The following MCTP2 variants were observed in gnomAD, a reference collection of about 807,000 sequenced individuals.
MCTP2 encodes the protein multiple C2 and transmembrane domain-containing protein 2.
In MCTP2, 132 loss-of-function variants were observed where a neutral mutation model predicts 111.6. That is an observed-to-expected ratio of 1.18 (90% CI 1.03 to 1.37). The LOEUF (loss-of-function observed/expected upper bound fraction) is 1.37. Ranked by LOEUF, MCTP2 falls within the 40% of genes most tolerant of loss-of-function variation. The probability of loss-of-function intolerance (pLI) is 0.00; values close to 1 mark genes in which losing one functional copy is unlikely to be tolerated. For missense variants in MCTP2, 1,183 were observed against 1,067.9 expected (o/e 1.11, Z -1.50); for synonymous variants, 395 against 387.7 (o/e 1.02, Z -0.22).
In MCTP2 at chr15:94,388,894, T is replaced by C. The variant is rs185728363; in HGVS notation, c.1788+3369T>C. On this transcript the variant is annotated intron_variant, in intron 14 of 22. Coordinates refer to ENST00000357742, the MANE Select transcript of MCTP2 (RefSeq NM_001385001.1). ...GAGTTTGTTATATTGCCACAGTGAG[T>C]AATTATTAAGTATATATCATCTCCA... Among the ~76,000 whole-genome samples, 979 of 152,232 alleles carry C rather than the reference T, an allele frequency of 6.4e-3. 5 individuals are homozygous for C. The highest frequency in any genetic ancestry group is 0.01 in the Non-Finnish European group (707 of 68,022).
chr15:94,273,873 G>A (rs2074045260), intron 1 of MCTP2: 1 of 231,438 alleles, frequency 4.3e-6, no homozygotes. Context: ...CTTCACTTGA[G>A]CAAGGTGGCT....
chr15:94,390,544 C>T (rs1371523891), intron 14 of MCTP2, among the ~76,000 whole-genome samples: 1 of 151,990 alleles, frequency 6.6e-6, no homozygotes, highest in Non-Finnish European at 1.5e-5. Context: ...CCAGGCCATT[C>T]CTTTTTATTG....
In MCTP2 at chr15:94,349,984, C is replaced by T. The variant is rs547766563; in HGVS notation, c.1005+4820C>T. Among the ~76,000 whole-genome samples the T allele has an allele frequency of 7.8e-4, 119 of 152,228 alleles. 1 individual carries two copies. The Middle Eastern group carries it at 0.014, about 17-fold the overall frequency. Reference sequence around the variant, plus strand: ...TTTTCGGTGTGTCCCCTGGACCAGCCGCAGCTGGTAATGGTTAGAAATCCA... The same window carrying T: ...TTTTCGGTGTGTCCCCTGGACCAGCTGCAGCTGGTAATGGTTAGAAATCCA... On this transcript the variant is annotated intron_variant, in intron 8 of 22. Coordinates refer to ENST00000357742, the MANE Select transcript of MCTP2 (RefSeq NM_001385001.1).
intron 17 of MCTP2, among the ~76,000 whole-genome samples, chr15:94,427,882 CT>C (rs1324007215): frequency 2.0e-5 from 3 of 152,022 alleles, no homozygotes; most frequent in Non-Finnish European, 2.9e-5. Context: ...TGAGAAAAAT[CT>C]TCTCCTTCAT....
intron 4 of MCTP2, among the ~76,000 whole-genome samples, chr15:94,331,265 A>C (rs1331564804): frequency 6.6e-6 from 1 of 152,254 alleles, no homozygotes; most frequent in Non-Finnish European, 1.5e-5. Context: ...TGGGTTATAA[A>C]GACAAAGCCA....
intron 19 of MCTP2, among the ~76,000 whole-genome samples, chr15:94,445,697 C>G (rs2084076867): frequency 1.3e-5 from 2 of 152,204 alleles, no homozygotes; most frequent in Non-Finnish European, 2.9e-5. Flanking sequence ...GGTCTACTCA[C>G]TGAGCCCTTC....
intron 1 of MCTP2, among the ~76,000 whole-genome samples, chr15:94,272,321 TG>T (rs770558076): frequency 2.0e-4 from 31 of 152,144 alleles, no homozygotes; most frequent in Admixed American, 1.2e-3. Flanking sequence ...GTGCATGCAT[TG>T]GGAGATGAGG....
At chr15:94,413,719 T>C (rs1271651181) in intron 17 of MCTP2, among the ~76,000 whole-genome samples, 1 of 152,178 alleles carries the variant, frequency 6.6e-6, no homozygotes, top group Non-Finnish European at 1.5e-5. Flanking sequence ...TGAAAGCTAT[T>C]TTATCTAGGG....
At chr15:94,403,215 T>C in intron 17 of MCTP2, 1 of 985,456 alleles carries the variant, frequency 1.0e-6, no homozygotes, top group Non-Finnish European at 1.2e-6. Flanking sequence ...CTGAAGTTGC[T>C]AAAACATTTG....
intron 2 of MCTP2, among the ~76,000 whole-genome samples, chr15:94,309,154 C>T (rs1481797289): frequency 6.6e-6 from 1 of 152,198 alleles, no homozygotes; most frequent in Non-Finnish European, 1.5e-5. Context: ...TTTGACCTCT[C>T]ATTGCCATGT....
At chr15:94,403,082 A>G in intron 17 of MCTP2, 1 of 986,612 alleles carries the variant, frequency 1.0e-6, no homozygotes, top group South Asian at 4.7e-5. Flanking sequence ...GCTCCAAAAG[A>G]GGCTTTTCCT....
intron 10 of MCTP2, among the ~76,000 whole-genome samples, chr15:94,358,898 T>C (rs2078772271): frequency 6.6e-6 from 1 of 152,208 alleles, no homozygotes; most frequent in Non-Finnish European, 1.5e-5. Flanking sequence ...TTATATAAAT[T>C]TCCAATATAC....
chr15:94,283,916 C>T (rs1241085221), intron 1 of MCTP2, among the ~76,000 whole-genome samples: 1 of 152,096 alleles, frequency 6.6e-6, no homozygotes, highest in African/African-American at 2.4e-5. Context: ...CTCTTGGCAC[C>T]ATATAAAGTT....
At chr15:94,385,384 G>T in intron 13 of MCTP2, 39 bp from the exon 14 acceptor site, 1 of 1,348,856 alleles carries the variant, frequency 7.4e-7, no homozygotes, top group Non-Finnish European at 1.1e-6. Flanking sequence ...GACTTCACTT[G>T]TGTGTTTTTG....
rs1360738394 is a variant in MCTP2, at chr15:94,232,395, G to A, written c.-66+731G>A. ...ATGCTTACAAGAGCTTGGTCTGGAA[G>A]GTACAAGGGTGCGAACCCTTAAGGT... On this transcript the variant is annotated intron_variant, in intron 1 of 22. Transcript: ENST00000357742. Among the ~76,000 whole-genome samples the A allele has an allele frequency of 1.3e-5, 2 of 152,184 alleles. 1 individual carries two copies. Among genetic ancestry groups the A allele is most frequent in the South Asian group, 4.1e-4 (2 of 4,830 alleles).
At chr15:94,328,813 G>A (rs2077008273) in intron 4 of MCTP2, among the ~76,000 whole-genome samples, 1 of 152,132 alleles carries the variant, frequency 6.6e-6, no homozygotes, top group Admixed American at 6.5e-5. Flanking sequence ...TGCTGTCTGG[G>A]GCTTCACCTG....
chr15:94,270,671 A>T (rs949550080), intron 1 of MCTP2, among the ~76,000 whole-genome samples: 1 of 151,976 alleles, frequency 6.6e-6, no homozygotes. Flanking sequence ...TCTTTCTGCT[A>T]TGTGAGAGGC....
rs144413746 is a variant in MCTP2 at position 94,243,058 on chromosome 15, C to T, written c.-66+11394C>T. Among the ~76,000 whole-genome samples, 105 of 43,298 alleles carry T rather than the reference C, an allele frequency of 2.4e-3. 16 individuals are homozygous for T. The highest frequency in any genetic ancestry group is 0.01 in the African/African-American group (98 of 9,758). The allele number at this position is 43,298 out of a possible 152,430, so 28.4% of individuals were successfully genotyped here. On this transcript the variant is annotated intron_variant, in intron 1 of 22. Transcript: ENST00000357742. Reference sequence around the variant, plus strand: ...ATACACGTGTATATGTGTATCTACACATACACGTGTATATGTGTATCTACA... The same window carrying T: ...ATACACGTGTATATGTGTATCTACATATACACGTGTATATGTGTATCTACA...
intron 1 of MCTP2, among the ~76,000 whole-genome samples, chr15:94,243,462 TGC>T (rs2071276950): frequency 1.4e-5 from 2 of 146,016 alleles, no homozygotes; most frequent in African/African-American, 2.7e-5. Context: ...TACATGCGTA[TGC>T]GTATATGCGT....
Sources: gnomAD v4.1 joint callset for allele counts (sites outside exome capture counted in the v4.1 genomes callset) on GRCh38, gnomAD v4.1.1 for gene constraint, MANE v1.5 for transcripts, NCBI Gene and HGNC (gene_info 2026-07-23, HGNC 2026-07-21) for gene names.